CFAP90: variants seen among roughly 807,000 people sequenced by gnomAD.
CFAP90 encodes cilia and flagella associated protein 90.
chr5:7,847,866 G>A, the CFAP90 span, among the ~76,000 whole-genome samples: 1 of 152,216 alleles, frequency 6.6e-6, no homozygotes, highest in African/African-American at 2.4e-5. Flanking sequence ...GCCCACAGGA[G>A]ATGCAGATTC....
chr5:7,844,613 C>T, the CFAP90 span, among the ~76,000 whole-genome samples: 5 of 152,124 alleles, frequency 3.3e-5, no homozygotes, highest in Non-Finnish European at 7.4e-5. Context: ...GAAAAATAGG[C>T]AGGGAGAAGG....
At chr5:7,832,640 A>G in the CFAP90 span, among the ~76,000 whole-genome samples, 1 of 152,064 alleles carries the variant, frequency 6.6e-6, no homozygotes, top group African/African-American at 2.4e-5. Context: ...AGCGTGCACC[A>G]CCACGCTCGG....
At chr5:7,847,800 A>C in the CFAP90 span, among the ~76,000 whole-genome samples, 1 of 152,210 alleles carries the variant, frequency 6.6e-6, no homozygotes, top group African/African-American at 2.4e-5. Flanking sequence ...GGTAAATGCA[A>C]GAATGAACTG....
chr5:7,834,852 A>C, the CFAP90 span, among the ~76,000 whole-genome samples: 148 of 152,160 alleles, frequency 9.7e-4, 2 homozygotes, highest in African/African-American at 3.4e-3. Flanking sequence ...TGTTAAGTAC[A>C]CTCTGATGTA....
the CFAP90 span, among the ~76,000 whole-genome samples, chr5:7,834,439 T>C: frequency 5.9e-5 from 9 of 152,174 alleles, no homozygotes; most frequent in African/African-American, 1.9e-4. Context: ...GTTTATAAGG[T>C]TAAGAAGTTA....
At chr5:7,831,998 G>A in the CFAP90 span, 12 of 1,612,560 alleles carry the variant, frequency 7.4e-6, no homozygotes, top group Admixed American at 1.8e-4. Flanking sequence ...ATAGACAGAA[G>A]ACGTCAGCAC....
chr5:7,846,002 G>A, the CFAP90 span, among the ~76,000 whole-genome samples: 1 of 151,426 alleles, frequency 6.6e-6, no homozygotes, highest in African/African-American at 2.4e-5. Context: ...TTTGCGACTG[G>A]GATCCAGCAC....
the CFAP90 span, among the ~76,000 whole-genome samples, chr5:7,843,503 C>T: frequency 6.6e-6 from 1 of 152,162 alleles, no homozygotes; most frequent in African/African-American, 2.4e-5. Context: ...TCCCTCTGAT[C>T]TTGTGTCTGT....
the CFAP90 span, among the ~76,000 whole-genome samples, chr5:7,832,349 C>A: frequency 6.6e-6 from 1 of 152,176 alleles, no homozygotes; most frequent in East Asian, 1.9e-4. Flanking sequence ...CCCTTCCCAC[C>A]ACCCAGATCC....
the CFAP90 span, chr5:7,851,111 G>C: frequency 8.2e-7 from 1 of 1,220,730 alleles, no homozygotes; most frequent in South Asian, 4.1e-5. Context: ...AGGTTGCTCA[G>C]CGCCAGCGTC....
chr5:7,849,755 C>G, the CFAP90 span, among the ~76,000 whole-genome samples: 147 of 152,322 alleles, frequency 9.7e-4, 1 homozygote, highest in Non-Finnish European at 1.7e-3. Context: ...AGGGACCACT[C>G]TCAGTCCAGC....
At chr5:7,834,130 A>G in the CFAP90 span, among the ~76,000 whole-genome samples, 1 of 152,164 alleles carries the variant, frequency 6.6e-6, no homozygotes, top group Non-Finnish European at 1.5e-5. Context: ...CAGAGAAGAC[A>G]TTGTTAGCCT....
chr5:7,837,135 A>G, the CFAP90 span, among the ~76,000 whole-genome samples: 5 of 152,200 alleles, frequency 3.3e-5, no homozygotes, highest in African/African-American at 1.2e-4. Flanking sequence ...TGTAATTTAC[A>G]TACATGCACA....
chr5:7,835,535 T>C, the CFAP90 span: 2 of 1,297,560 alleles, frequency 1.5e-6, no homozygotes, highest in Non-Finnish European at 1.1e-6. Flanking sequence ...ATGGGTTAAT[T>C]TGAAGGCTGG....
the CFAP90 span, among the ~76,000 whole-genome samples, chr5:7,850,215 G>T: frequency 6.6e-6 from 1 of 151,838 alleles, no homozygotes; most frequent in Non-Finnish European, 1.5e-5. Context: ...GGGCCCAGGC[G>T]CCTTGGCGGG....
the CFAP90 span, chr5:7,830,927 G>A: frequency 6.6e-6 from 1 of 152,206 alleles, no homozygotes; most frequent in African/African-American, 2.4e-5. Flanking sequence ...AAAGAAGACT[G>A]TTTAAAGTCA....
chr5:7,844,130 C>T, the CFAP90 span, among the ~76,000 whole-genome samples: 2 of 152,106 alleles, frequency 1.3e-5, no homozygotes, highest in African/African-American at 4.8e-5. Context: ...CCCCGACCAA[C>T]CCCTTTTTAA....
At chr5:7,832,269 C>G in the CFAP90 span, among the ~76,000 whole-genome samples, 1 of 152,080 alleles carries the variant, frequency 6.6e-6, no homozygotes, top group Admixed American at 6.5e-5. Context: ...GAAACTGTGC[C>G]GGACCATTTG....
the CFAP90 span, chr5:7,835,290 C>T: frequency 2.8e-6 from 2 of 721,500 alleles, no homozygotes; most frequent in South Asian, 1.9e-5. Flanking sequence ...ATCTATGAAG[C>T]CTAATAAAGT....
Sources: gnomAD v4.1 joint callset for allele counts (sites outside exome capture counted in the v4.1 genomes callset) on GRCh38, gnomAD v4.1.1 for gene constraint, MANE v1.5 for transcripts, NCBI Gene and HGNC (gene_info 2026-07-23, HGNC 2026-07-21) for gene names.